Variants in PROCR observed in about 807,000 individuals in gnomAD.
PROCR encodes endothelial protein C receptor.
In PROCR, 22 loss-of-function variants were observed where a neutral mutation model predicts 24.2. The ratio of observed to expected loss-of-function variants is 0.91; its 90% CI spans 0.65 to 1.30. PROCR has a LOEUF of 1.30. Among genes scored for constraint, PROCR ranks in the 50% most tolerant of loss-of-function variants. The pLI, the probability that PROCR is intolerant of heterozygous loss-of-function variation, is 0.00. For missense variants in PROCR, 288 were observed against 307.7 expected (o/e 0.94, Z 0.48); for synonymous variants, 137 against 139.2 (o/e 0.98, Z 0.11).
downstream of PROCR, among the ~76,000 whole-genome samples, chr20:35,178,947 G>T (rs1027060967): frequency 6.6e-6 from 1 of 150,794 alleles, no homozygotes; most frequent in Non-Finnish European, 1.5e-5. Context: ...TATGCCAAGC[G>T]CAAGCTGGGC....
intron 1 of PROCR, among the ~76,000 whole-genome samples, chr20:35,185,495 T>C (rs1163725448): frequency 6.6e-6 from 1 of 152,166 alleles, no homozygotes; most frequent in Non-Finnish European, 1.5e-5. Context: ...CAAATGCCCA[T>C]CAATCAATGA....
intron 1 of PROCR, among the ~76,000 whole-genome samples, chr20:35,209,454 G>T (rs927689942): frequency 6.6e-6 from 1 of 152,200 alleles, no homozygotes; most frequent in Non-Finnish European, 1.5e-5. Context: ...TGGGAGCAAG[G>T]TCTATGCTAG....
rs759200749 is a variant in PROCR, at chr20:35,174,806, G to T, written c.175G>T (p.Glu59Ter). 2 of 1,614,096 alleles carry T rather than the reference G, an allele frequency of 1.2e-6. No individual in the cohort carries two copies. Among genetic ancestry groups the T allele is most frequent in the Non-Finnish European group, 1.7e-6 (2 of 1,180,008 alleles). The change falls in exon 2 of 4, where the codon GAA (glutamate) becomes TAA (stop). Residue 59 changes from glutamate to a stop codon, truncating the protein, a stop_gained. Transcript: ENST00000216968. LOFTEE classifies it high-confidence loss of function. ...GGGGGGACACCTAACGCACGTGCTG[G>T]AAGGCCCAGACACCAACACCACGAT... The part of the protein sequence containing the change: ...SLGGHLTHVL[E>*]GPDTNTTIIQ...
At chr20:35,194,142 A>C (rs2086196210) in intron 1 of PROCR, among the ~76,000 whole-genome samples, 1 of 152,188 alleles carries the variant, frequency 6.6e-6, no homozygotes. Flanking sequence ...GACCTTGATA[A>C]ACAGCAGTTT....
At chr20:35,186,260 G>C (rs906090509) in intron 1 of PROCR, among the ~76,000 whole-genome samples, 1 of 152,122 alleles carries the variant, frequency 6.6e-6, no homozygotes, top group African/African-American at 2.4e-5. Context: ...GTTACAACAC[G>C]GATGAGCCTT....
In PROCR at chr20:35,174,745, C is replaced by A; in HGVS notation, c.114C>A (p.Asp38Glu). The A allele has an allele frequency of 6.2e-7, 1 of 1,614,110 alleles. No individual in the cohort carries two copies. The highest frequency in any genetic ancestry group is 8.5e-7 in the Non-Finnish European group (1 of 1,180,010). ...TGCTCCAGATCTCCTACTTCCGCGA[C>A]CCCTATCACGTGTGGTACCAGGGCA... Reference protein sequence around the residue: ...LHMLQISYFRDPYHVWYQGNA... With the variant: ...LHMLQISYFREPYHVWYQGNA... Residue 38 changes from aspartate (D) to glutamate (E), a missense_variant, in exon 2 of 4, where the codon GAC becomes GAA. By Grantham distance (45) the Asp-to-Glu change is conservative (BLOSUM62 2). Coordinates refer to ENST00000216968, the MANE Select transcript of PROCR (RefSeq NM_006404.5).
chr20:35,173,411 T>C (rs2085969605), intron 1 of PROCR, among the ~76,000 whole-genome samples: 1 of 146,710 alleles, frequency 6.8e-6, no homozygotes. Context: ...TCTTTGCTTT[T>C]CTTTCTTTTT....
rs746904216 is a variant in PROCR, at chr20:35,174,876, C to T, written c.245C>T (p.Thr82Met). The part of the protein sequence containing the change: ...PLQEPESWAR[T>M]QSGLQSYLLQ... ...CAGGAGCCCGAGAGCTGGGCGCGCA[C>T]GCAGAGTGGCCTGCAGTCCTACCTG... The change falls in exon 2 of 4, where the codon ACG becomes ATG. Residue 82 changes from threonine (T) to methionine (M), a missense_variant. Thr to Met is a moderately conservative substitution (Grantham distance 81, BLOSUM62 -1). Coordinates refer to ENST00000216968, the MANE Select transcript of PROCR (RefSeq NM_006404.5). 5 of 1,612,854 alleles carry T rather than the reference C, an allele frequency of 3.1e-6. No individual in the cohort carries two copies. Among genetic ancestry groups the T allele is most frequent in the Middle Eastern group, 1.7e-4 (1 of 6,060 alleles).
intron 2 of PROCR, among the ~76,000 whole-genome samples, chr20:35,175,894 C>G (rs1158149723): frequency 6.7e-6 from 1 of 149,884 alleles, no homozygotes; most frequent in Non-Finnish European, 1.5e-5. Flanking sequence ...CCAGCCTCAC[C>G]CCCTGTTTTT....
rs1190621819 is a variant in PROCR, at chr20:35,187,192, A to C, written c.94+10746A>C. On this transcript the variant is annotated intron_variant, in intron 1 of 1. Transcript: ENST00000634509. Reference sequence around the variant, plus strand: ...CAGCTTCCTGAGTAGCTGGGACTACAGGCATGCACCTCCAAGCCTGCCTAA... The same window carrying C: ...CAGCTTCCTGAGTAGCTGGGACTACCGGCATGCACCTCCAAGCCTGCCTAA... Among the ~76,000 whole-genome samples the C allele has an allele frequency of 2.0e-5, 3 of 150,906 alleles. No homozygotes were observed. In the East Asian group the frequency reaches 5.8e-4, roughly 29 times the overall value.
At chr20:35,183,433 C>T (rs530313804) in intron 1 of PROCR, among the ~76,000 whole-genome samples, 1 of 152,234 alleles carries the variant, frequency 6.6e-6, no homozygotes, top group African/African-American at 2.4e-5. Flanking sequence ...ATGCCTGCTC[C>T]CCCTTTGCCT....
chr20:35,208,805 C>T (rs1479068807), intron 1 of PROCR, among the ~76,000 whole-genome samples: 3 of 151,984 alleles, frequency 2.0e-5, no homozygotes, highest in African/African-American at 7.3e-5. Flanking sequence ...TGAAACCCCA[C>T]CTCTAAAAAT....
At chr20:35,180,033 G>T (rs1168800605), downstream of PROCR, among the ~76,000 whole-genome samples, 9 of 152,046 alleles carry the variant, frequency 5.9e-5, no homozygotes, top group Admixed American at 5.9e-4. Context: ...ATCACCTGAG[G>T]TCAGGAGTTG....
intron 1 of PROCR, among the ~76,000 whole-genome samples, chr20:35,186,870 G>A (rs1019460934): frequency 1.7e-4 from 26 of 150,630 alleles, no homozygotes; most frequent in Admixed American, 1.3e-4. Context: ...GGAGAATGGC[G>A]TGAACCTGGG....
chr20:35,174,911 C>CA lies in PROCR; in HGVS notation c.281dup (p.His94GlnfsTer26). On this transcript the variant is annotated frameshift_variant, in exon 2 of 4. Coordinates refer to ENST00000216968, the MANE Select transcript of PROCR (RefSeq NM_006404.5). LOFTEE classifies it high-confidence loss of function. ...CCTGCAGTCCTACCTGCTCCAGTTC[C>CA]ACGGCCTCGTGCGCCTGGTGCACCA... The CA allele has an allele frequency of 6.2e-7, 1 of 1,604,286 alleles. No individual in the cohort carries two copies. The highest frequency in any genetic ancestry group is 8.5e-7 in the Non-Finnish European group (1 of 1,175,512).
At chr20:35,205,752 A>AATATATATATATATATATAT (rs200029202) in intron 1 of PROCR, among the ~76,000 whole-genome samples, 47 of 102,618 alleles carry the variant, frequency 4.6e-4, no homozygotes, top group South Asian at 9.9e-4. Context: ...ACTCTGTCTA[A>AATATATATATATATATATAT]ATATATATAT....
intron 1 of PROCR, among the ~76,000 whole-genome samples, chr20:35,195,710 A>C (rs535638461): frequency 1.1e-4 from 16 of 151,292 alleles, no homozygotes; most frequent in Non-Finnish European, 1.8e-4. Context: ...AATCCCAGCT[A>C]CTCGGGAGGC....
chr20:35,176,633 T>C, intron 3 of PROCR, 65 bp from the exon 4 acceptor site: 1 of 1,569,634 alleles, frequency 6.4e-7, no homozygotes, highest in Middle Eastern at 1.7e-4. Flanking sequence ...CGCTTTGGGG[T>C]TTGACTCAAA....
At chr20:35,210,201 G>A (rs2146180986) in intron 1 of PROCR, among the ~76,000 whole-genome samples, 1 of 152,082 alleles carries the variant, frequency 6.6e-6, no homozygotes, top group East Asian at 1.9e-4. Flanking sequence ...ACTTCTACCT[G>A]GGCAACAGAG....
Sources: gnomAD v4.1 joint callset for allele counts (sites outside exome capture counted in the v4.1 genomes callset) on GRCh38, gnomAD v4.1.1 for gene constraint, MANE v1.5 for transcripts, NCBI Gene and HGNC (gene_info 2026-07-23, HGNC 2026-07-21) for gene names.